NRIP1: variants seen among roughly 807,000 people sequenced by gnomAD.
NRIP1 encodes the protein nuclear receptor-interacting protein 1.
Under a neutral mutation model 75.0 loss-of-function variants are expected in NRIP1, and 28 were observed. The ratio of observed to expected loss-of-function variants is 0.37; its 90% CI spans 0.28 to 0.51. NRIP1 has a LOEUF of 0.51. Ranked by LOEUF, NRIP1 falls within the 20% of genes least tolerant of loss-of-function variation. NRIP1 has a pLI of 0.92. For missense variants in NRIP1, 1,435 were observed against 1,343.7 expected, an observed-to-expected ratio of 1.07 and a Z score of -1.06; for synonymous variants, 526 against 487.6, an observed-to-expected ratio of 1.08 and a Z score of -1.04.
At chr21:15,029,717 T>C (rs747015840) in intron 2 of NRIP1, among the ~76,000 whole-genome samples, 1 of 152,116 alleles carries the variant, frequency 6.6e-6, no homozygotes, top group South Asian at 2.1e-4. Flanking sequence ...TTTGAGAGGC[T>C]GAGGCAGGAG....
At chr21:15,057,679 AAAC>A (rs1362408584) in intron 1 of NRIP1, among the ~76,000 whole-genome samples, 1 of 152,210 alleles carries the variant, frequency 6.6e-6, no homozygotes, top group Non-Finnish European at 1.5e-5. Flanking sequence ...TTTTTTCTTC[AAAC>A]AATGGCATAT....
At chr21:15,051,076 A>C (rs1230922515) in intron 1 of NRIP1, 4 of 367,978 alleles carry the variant, frequency 1.1e-5, no homozygotes, top group Admixed American at 1.0e-4. Context: ...ATACTCCAGA[A>C]ACGGCTGCAG....
At position 14,963,320 on chromosome 21, in the gene NRIP1, G is replaced by GT. The variant is rs1168144945; in HGVS notation, c.*1395dup. ...ACCATCCTGGAATCACCTGAGTTTG[G>GT]TAAGTGGCCCTGTTTTTCCATCCCT... On this transcript the variant is annotated 3_prime_UTR_variant, in exon 4 of 4. Transcript: ENST00000318948. The GT allele has an allele frequency of 4.6e-5, 7 of 152,424 alleles. No individual in the cohort carries two copies. Among genetic ancestry groups the GT allele is most frequent in the African/African-American group, 1.7e-4 (7 of 41,396 alleles). The allele number at this position is 152,424 out of a possible 1,614,324, so 9.4% of individuals were successfully genotyped here.
chr21:14,994,917 C>A (rs2087679473), intron 3 of NRIP1, among the ~76,000 whole-genome samples: 1 of 152,150 alleles, frequency 6.6e-6, no homozygotes, highest in Admixed American at 6.5e-5. Flanking sequence ...TTTTATTTTT[C>A]CCTCTGAAGT....
intron 2 of NRIP1, among the ~76,000 whole-genome samples, chr21:15,027,232 G>A (rs141297253): frequency 1.3e-5 from 2 of 152,240 alleles, no homozygotes; most frequent in South Asian, 2.1e-4. Flanking sequence ...GCAACATATC[G>A]ACAGATTCAG....
Position 14,965,436 on chromosome 21 carries a change from G to A in NRIP1, c.2757C>T (p.Ser919=), listed in dbSNP as rs369484206. 404 of 1,613,666 alleles carry A rather than the reference G, an allele frequency of 2.5e-4. 1 individual carries two copies. The highest frequency in any genetic ancestry group is 3.1e-4 in the Non-Finnish European group (360 of 1,179,888). ...FKYPAGHGSA[S]ESEHRSWARE... ...TGGCCCAACTCCTGTGTTCACTTTC[G>A]CTGGCTGAGCCATGACCAGCAGGAT... Residue 919 remains serine, a synonymous_variant, in exon 4 of 4, where the codon AGC becomes AGT. Transcript: ENST00000318948.
At chr21:15,022,892 T>C (rs1429978644) in intron 2 of NRIP1, among the ~76,000 whole-genome samples, 1 of 152,228 alleles carries the variant, frequency 6.6e-6, no homozygotes, top group Non-Finnish European at 1.5e-5. Context: ...AAGTATTATT[T>C]AGTCACAAAA....
At chr21:15,047,267 C>T (rs907035036) in intron 1 of NRIP1, among the ~76,000 whole-genome samples, 7 of 148,848 alleles carry the variant, frequency 4.7e-5, no homozygotes, top group South Asian at 2.1e-4. Context: ...CTCGGCCGGG[C>T]GCGGTGGCTC....
At chr21:15,005,968 G>A (rs2087962190) in intron 3 of NRIP1, among the ~76,000 whole-genome samples, 1 of 152,040 alleles carries the variant, frequency 6.6e-6, no homozygotes, top group African/African-American at 2.4e-5. Flanking sequence ...TTGTAGCACA[G>A]TCACAGGTTA....
intron 1 of NRIP1, among the ~76,000 whole-genome samples, chr21:15,056,291 T>TAAA (rs113146551): frequency 1.6e-5 from 2 of 123,282 alleles, no homozygotes; most frequent in Non-Finnish European, 3.5e-5. Flanking sequence ...AATTCAAAGT[T>TAAA]AAAAAAAAAA....
At chr21:15,005,311 T>G (rs2087937422) in intron 3 of NRIP1, among the ~76,000 whole-genome samples, 1 of 152,124 alleles carries the variant, frequency 6.6e-6, no homozygotes, top group Non-Finnish European at 1.5e-5. Flanking sequence ...GACCTTGTCA[T>G]CACACACACC....
At chr21:14,986,471 C>G (rs988328764) in intron 3 of NRIP1, among the ~76,000 whole-genome samples, 2 of 152,156 alleles carry the variant, frequency 1.3e-5, no homozygotes, top group Non-Finnish European at 2.9e-5. Flanking sequence ...CTCCTTTGAC[C>G]TCTTTCAAAG....
intron 3 of NRIP1, among the ~76,000 whole-genome samples, chr21:14,984,756 C>T (rs1489005946): frequency 6.6e-6 from 1 of 152,164 alleles, no homozygotes; most frequent in East Asian, 1.9e-4. Flanking sequence ...TTTAAGAAAT[C>T]ATTACAGAGA....
Position 14,964,709 on chromosome 21 carries a change from G to A in NRIP1, c.*7C>T. The A allele has an allele frequency of 2.0e-6, 3 of 1,519,560 alleles. No individual in the cohort carries two copies. The highest frequency in any genetic ancestry group is 2.7e-5 in the South Asian group (2 of 73,940). 94.1% of individuals were successfully genotyped at this position (1,519,560 alleles called of 1,614,324 possible). On this transcript the variant is annotated 3_prime_UTR_variant, in exon 4 of 4. Coordinates refer to ENST00000318948, the MANE Select transcript of NRIP1 (RefSeq NM_003489.4). The stretch of plus-strand genomic sequence containing the variant: ...AAAAAGATCCAAAACTGGATGGCAG[G>A]TACATTTTATTCTGATTCTTTCTTT...
chr21:14,973,261 A>G (rs936992455), intron 3 of NRIP1, among the ~76,000 whole-genome samples: 3 of 151,364 alleles, frequency 2.0e-5, no homozygotes, highest in African/African-American at 7.2e-5. Context: ...AAAGGGACAG[A>G]AAAAGAAAAA....
chr21:15,004,205 C>T (rs1241292687), intron 3 of NRIP1, among the ~76,000 whole-genome samples: 2 of 152,108 alleles, frequency 1.3e-5, no homozygotes, highest in African/African-American at 4.8e-5. Context: ...TTAAGTGTCG[C>T]CCACAAAATC....
chr21:14,977,209 T>C (rs1459470468), intron 3 of NRIP1, among the ~76,000 whole-genome samples: 1 of 152,192 alleles, frequency 6.6e-6, no homozygotes, highest in Non-Finnish European at 1.5e-5. Context: ...CATTAAACAT[T>C]AGAAGAAAAA....
rs369261479 is a variant in NRIP1 at position 14,966,964 on chromosome 21, G to A, written c.1229C>T (p.Thr410Ile). The A allele has an allele frequency of 7.9e-4, 1,268 of 1,614,042 alleles. 26 individuals are homozygous for A. The South Asian group carries it at 0.013, about 16-fold the overall frequency. ...ERGSIFEESSTPTTIDEYSDN... is the reference protein window; with the variant it reads ...ERGSIFEESSIPTTIDEYSDN... ...TGAATATTCATCAATAGTTGTAGGT[G>A]TACTACTTTCCTCAAAAATGCTTCC... Residue 410 changes from threonine to isoleucine, a missense_variant, in exon 4 of 4, where the codon ACA (threonine) becomes ATA (isoleucine). Thr to Ile is a moderately conservative substitution (Grantham distance 89, BLOSUM62 -1). Transcript: ENST00000318948.
rs574004540 is a variant in NRIP1 at position 15,043,211 on chromosome 21, A to G, written c.-458+284T>C. On this transcript the variant is annotated intron_variant, in intron 2 of 3. Coordinates refer to ENST00000318948, the MANE Select transcript of NRIP1 (RefSeq NM_003489.4). ...ATGTATCTCATTTTCAAATCAAGAC[A>G]TTCTTTAAAATAGTTCTATAGTAGT... 4.6e-5 allele frequency among the ~76,000 whole-genome samples: 7 copies of G among 152,386 alleles called. No homozygotes were observed. The South Asian group carries it at 1.0e-3, about 23-fold the overall frequency.
Sources: gnomAD v4.1 joint callset for allele counts (sites outside exome capture counted in the v4.1 genomes callset) on GRCh38, gnomAD v4.1.1 for gene constraint, MANE v1.5 for transcripts, NCBI Gene and HGNC (gene_info 2026-07-23, HGNC 2026-07-21) for gene names.